Variants in DDX10 observed in about 807,000 individuals in gnomAD.
DDX10 encodes the protein DEAD-box helicase 10, also known as probable ATP-dependent RNA helicase DDX10.
A neutral mutation model predicts 104.3 loss-of-function variants in DDX10; 74 were observed. The observed-to-expected ratio is 0.71, with a 90% confidence interval of 0.59 to 0.86. The LOEUF (loss-of-function observed/expected upper bound fraction) is 0.86, where lower values mean the gene tolerates loss of function less well. Among genes scored for constraint, DDX10 ranks in the 40% least tolerant of loss-of-function variants. The pLI, the probability that DDX10 is intolerant of heterozygous loss-of-function variation, is 0.00. For missense variants in DDX10, 952 were observed against 1,040.0 expected (o/e 0.92, Z 1.16); for synonymous variants, 351 against 353.4 (o/e 0.99, Z 0.08).
At position 108,887,212 on chromosome 11, in the gene DDX10, G is replaced by A. The variant is rs557109844; in HGVS notation, c.2305-30661G>A. 5.5e-4 allele frequency among the ~76,000 whole-genome samples: 84 copies of A among 152,072 alleles called. 1 individual carries two copies. The highest frequency in any genetic ancestry group is 1.1e-3 in the African/African-American group (44 of 41,502). ...GGAATACTTTATTGCCATGTTGTAC[G>A]TGGCCCATTTAGGTATCATGTAATA... On this transcript the variant is annotated intron_variant, in intron 16 of 17. Coordinates refer to ENST00000322536, the MANE Select transcript of DDX10 (RefSeq NM_004398.4).
At chr11:108,701,865 T>C (rs879450593) in intron 9 of DDX10, among the ~76,000 whole-genome samples, 2 of 152,068 alleles carry the variant, frequency 1.3e-5, no homozygotes, top group South Asian at 2.1e-4. Flanking sequence ...TTTGTACTTT[T>C]AGCAGAGACG....
At chr11:108,913,555 G>T (rs1025442916) in intron 16 of DDX10, among the ~76,000 whole-genome samples, 2 of 152,156 alleles carry the variant, frequency 1.3e-5, no homozygotes, top group African/African-American at 4.8e-5. Flanking sequence ...AGGGAGGTAT[G>T]TAGCTTTTGT....
chr11:108,720,567 T>C (rs200015583), intron 12 of DDX10, among the ~76,000 whole-genome samples: 6 of 152,034 alleles, frequency 3.9e-5, no homozygotes, highest in African/African-American at 1.4e-4. Context: ...GAATGGCTGG[T>C]TTTGTTTTGG....
intron 13 of DDX10, among the ~76,000 whole-genome samples, chr11:108,811,634 A>G (rs144309644): frequency 2.0e-5 from 3 of 152,318 alleles, no homozygotes; most frequent in Admixed American, 1.3e-4. Flanking sequence ...GTTGAACATA[A>G]TGTTATAACC....
chr11:108,863,984 T>G (rs1031500265), intron 16 of DDX10, among the ~76,000 whole-genome samples: 3 of 151,246 alleles, frequency 2.0e-5, no homozygotes, highest in Non-Finnish European at 2.9e-5. Flanking sequence ...TTCTTGCCAG[T>G]AAGCTTTGGA....
intron 17 of DDX10, among the ~76,000 whole-genome samples, chr11:108,933,080 A>G (rs917073154): frequency 5.3e-5 from 8 of 152,116 alleles, no homozygotes; most frequent in Middle Eastern, 3.4e-3. Context: ...GGCCACTGCA[A>G]TGGGGTTTTT....
intron 13 of DDX10, among the ~76,000 whole-genome samples, chr11:108,793,899 T>A (rs1591819886): frequency 7.1e-6 from 1 of 140,290 alleles, no homozygotes; most frequent in Non-Finnish European, 1.6e-5. Context: ...TTTTTTTTTT[T>A]ACTCCCATGT....
At chr11:108,917,744 C>T in intron 16 of DDX10, 129 bp from the exon 17 acceptor site, 1 of 832,136 alleles carries the variant, frequency 1.2e-6, no homozygotes, top group Non-Finnish European at 1.9e-6. Flanking sequence ...CACATAAGGG[C>T]CTACACCAGA....
At position 108,723,056 on chromosome 11, in the gene DDX10, C is replaced by T. The variant is rs776313715; in HGVS notation, c.1559C>T (p.Pro520Leu). The change falls in exon 13 of 18, where the codon CCC becomes CTC. Residue 520 changes from proline to leucine, a missense_variant. Transcript: ENST00000322536. ...TTTCTTCAGAAAATGCAGAAACAACCCACCAAAGAATTGGTAAGGAGCCAA... is the reference window on the plus strand; with the variant it reads ...TTTCTTCAGAAAATGCAGAAACAACTCACCAAAGAATTGGTAAGGAGCCAA... ...VRFLQKMQKQ[P>L]TKELVRSQAD... The T allele has an allele frequency of 2.5e-6, 4 of 1,613,136 alleles. No individual in the cohort carries two copies. The highest frequency in any genetic ancestry group is 1.1e-5 in the South Asian group (1 of 90,918).
intron 16 of DDX10, among the ~76,000 whole-genome samples, chr11:108,853,913 C>T (rs190110776): frequency 6.6e-6 from 1 of 152,316 alleles, no homozygotes; most frequent in Non-Finnish European, 1.5e-5. Flanking sequence ...GGCTTTGCAG[C>T]TCAGCCAGGA....
intron 13 of DDX10, among the ~76,000 whole-genome samples, chr11:108,782,574 G>A (rs1861721135): frequency 6.6e-6 from 1 of 152,052 alleles, no homozygotes; most frequent in African/African-American, 2.4e-5. Flanking sequence ...GTAATACTTA[G>A]CAATTAGCTT....
chr11:108,905,735 TG>T (rs1816133781), intron 16 of DDX10, among the ~76,000 whole-genome samples: 1 of 152,172 alleles, frequency 6.6e-6, no homozygotes, highest in Non-Finnish European at 1.5e-5. Context: ...ATTAGGCTGT[TG>T]TTGCATTACT....
In DDX10 at chr11:108,675,644, C is replaced by T. The variant is rs750434409; in HGVS notation, c.296C>T (p.Thr99Ile). The change falls in exon 3 of 18, where the codon ACC (threonine) becomes ATC (isoleucine). Residue 99 changes from threonine (T) to isoleucine (I), a missense_variant. Physicochemically the swap from Thr to Ile is moderately conservative, Grantham distance 89 (BLOSUM62 -1). Transcript: ENST00000322536. ...TTGGTGACTGAGATACAGAAGCAGACCATTGGATTGGCTTTGCAAGGTAAA... is the reference window on the plus strand; with the variant it reads ...TTGGTGACTGAGATACAGAAGCAGATCATTGGATTGGCTTTGCAAGGTAAA... ...YRLVTEIQKQ[T>I]IGLALQGKDV... 1.7e-5 allele frequency: 27 copies of T among 1,613,966 alleles called. No homozygotes were observed. In the East Asian group the frequency reaches 4.9e-4, roughly 29 times the overall value.
chr11:108,916,391 T>C (rs1863751343), intron 16 of DDX10, among the ~76,000 whole-genome samples: 1 of 151,996 alleles, frequency 6.6e-6, no homozygotes, highest in Non-Finnish European at 1.5e-5. Context: ...CAACTCAATT[T>C]CTTTCCAGAC....
chr11:108,939,104 C>T (rs1864071689), intron 17 of DDX10, among the ~76,000 whole-genome samples: 1 of 152,182 alleles, frequency 6.6e-6, no homozygotes. Context: ...TTAATTCTCA[C>T]AATTTTAAGT....
chr11:108,833,477 T>C (rs1862501450), intron 13 of DDX10, among the ~76,000 whole-genome samples: 3 of 152,080 alleles, frequency 2.0e-5, no homozygotes, highest in African/African-American at 7.2e-5. Flanking sequence ...AATTCTAGAG[T>C]ATCAGACAAA....
At chr11:108,685,584 C>T (rs1052856122) in intron 6 of DDX10, among the ~76,000 whole-genome samples, 1 of 152,226 alleles carries the variant, frequency 6.6e-6, no homozygotes, top group Non-Finnish European at 1.5e-5. Flanking sequence ...TTATAAAATC[C>T]TTCTAGCAGG....
intron 9 of DDX10, among the ~76,000 whole-genome samples, chr11:108,705,232 C>T (rs2094274158): frequency 6.6e-6 from 1 of 152,174 alleles, no homozygotes; most frequent in Admixed American, 6.5e-5. Context: ...GGCTTCCACT[C>T]CCTTGTTCAT....
chr11:108,682,198 G>T (rs1189139723), intron 6 of DDX10, among the ~76,000 whole-genome samples: 1 of 151,980 alleles, frequency 6.6e-6, no homozygotes, highest in African/African-American at 2.4e-5. Flanking sequence ...TCTGCCTCCC[G>T]GGTTCAAGCA....
Sources: allele counts gnomAD v4.1 joint callset (sites outside exome capture counted in the v4.1 genomes callset), GRCh38; gene constraint gnomAD v4.1.1; transcripts MANE v1.5; gene names NCBI Gene and HGNC (gene_info 2026-07-23, HGNC 2026-07-21).